Variants in CELF2 observed in about 807,000 individuals in gnomAD.
CELF2 encodes the protein CUGBP Elav-like family member 2, also known as CUG triplet repeat RNA-binding protein 2.
CELF2 carries 8 observed loss-of-function variants against 62.6 expected under a neutral mutation model. The ratio of observed to expected loss-of-function variants is 0.13; its 90% CI spans 0.07 to 0.23. The LOEUF is 0.23. CELF2 is among the 10% of genes least tolerant of loss of function. The pLI is 1.00. For missense variants in CELF2, 333 were observed against 671.0 expected (o/e 0.50, Z 5.56); for synonymous variants, 258 against 250.0 (o/e 1.03, Z -0.30).
the CELF2 span, among the ~76,000 whole-genome samples, chr10:10,529,367 G>C: frequency 6.6e-6 from 1 of 152,148 alleles, no homozygotes; most frequent in African/African-American, 2.4e-5. Flanking sequence ...AAGAACAAAA[G>C]ACACAGATTG....
chr10:10,571,568 A>AG, the CELF2 span, among the ~76,000 whole-genome samples: 1 of 152,142 alleles, frequency 6.6e-6, no homozygotes, highest in Non-Finnish European at 1.5e-5. Flanking sequence ...AATAAAAGCG[A>AG]CCATGGGTTG....
rs1360523766 is a variant in CELF2 at position 10,932,567 on chromosome 10, T to C, written c.89+12568T>C. Reference sequence around the variant, plus strand: ...AAAATTAAACTAATAAATTAGTTAATTAAATAAAAGAACCAAATGGTTCAA... The same window carrying C: ...AAAATTAAACTAATAAATTAGTTAACTAAATAAAAGAACCAAATGGTTCAA... On this transcript the variant is annotated intron_variant, in intron 2 of 13. Coordinates refer to the CELF2 transcript ENST00000636488. Among the ~76,000 whole-genome samples the C allele has an allele frequency of 3.9e-4, 59 of 152,288 alleles. 1 individual carries two copies. Among genetic ancestry groups the C allele is most frequent in the Non-Finnish European group, 1.5e-5 (1 of 68,022 alleles).
rs1418923349 is a variant in CELF2, at chr10:11,159,162, C to A, written c.75-6324C>A. Among the ~76,000 whole-genome samples, 1 of 152,202 alleles carries A rather than the reference C, an allele frequency of 6.6e-6. No homozygotes were observed. The highest frequency in any genetic ancestry group is 6.5e-5 in the Admixed American group (1 of 15,280). Reference sequence around the variant, plus strand: ...TTCCATAATTTATGTGGCAGTGACTCAAAAGGTTTAGTACACATGATAAAT... The same window carrying A: ...TTCCATAATTTATGTGGCAGTGACTAAAAAGGTTTAGTACACATGATAAAT... On this transcript the variant is annotated intron_variant, in intron 1 of 12. Transcript: ENST00000633077. This position sits in a 1 kb window ranked among gnomAD's most constrained non-coding sequence, Gnocchi z 5.0.
the CELF2 span, among the ~76,000 whole-genome samples, chr10:10,722,835 C>A: frequency 3.9e-5 from 6 of 152,258 alleles, no homozygotes; most frequent in South Asian, 2.1e-4. Flanking sequence ...TTTAAAATAA[C>A]CACCTGGATT....
chr10:10,666,988 A>G, the CELF2 span, among the ~76,000 whole-genome samples: 1 of 152,128 alleles, frequency 6.6e-6, no homozygotes, highest in East Asian at 1.9e-4. Context: ...TGCACACACC[A>G]CAGCATACAT....
At chr10:10,801,843 G>C (rs2054695770) in intron 1 of CELF2, among the ~76,000 whole-genome samples, 1 of 152,158 alleles carries the variant, frequency 6.6e-6, no homozygotes, top group African/African-American at 2.4e-5. Flanking sequence ...TGTTTTAGGA[G>C]ATGATCTGTT....
At chr10:10,656,397 T>C in the CELF2 span, among the ~76,000 whole-genome samples, 11 of 134,488 alleles carry the variant, frequency 8.2e-5, no homozygotes, top group Non-Finnish European at 1.8e-4. Context: ...CTATAAATCA[T>C]GCTGCTATAA....
the CELF2 span, among the ~76,000 whole-genome samples, chr10:10,588,118 G>T: frequency 2.0e-5 from 3 of 151,938 alleles, no homozygotes; most frequent in Non-Finnish European, 2.9e-5. Flanking sequence ...CACCAACTGA[G>T]CCAGCAGGCC....
chr10:10,851,354 T>C (rs12221057), intron 1 of CELF2, among the ~76,000 whole-genome samples: 38,282 of 152,094 alleles, frequency 0.25, 4,878 homozygotes, highest in South Asian at 0.31. Context: ...GCCCTCCCAC[T>C]ATAAACAACA....
Position 11,241,942 on chromosome 10 carries a change from A to G in CELF2, c.355-7211A>G, listed in dbSNP as rs528399059. Among the ~76,000 whole-genome samples, 10 of 152,318 alleles carry G rather than the reference A, an allele frequency of 6.6e-5. No individual in the cohort carries two copies. The South Asian group carries it at 1.0e-3, about 16-fold the overall frequency. On this transcript the variant is annotated intron_variant, in intron 3 of 12. Coordinates refer to ENST00000633077, the MANE Select transcript of CELF2 (RefSeq NM_001326342.2). ...AAAGTACAGGTGCCTTTGGCGTTTC[A>G]TAGTCAATATACAAGCGAGACACAA...
the CELF2 span, among the ~76,000 whole-genome samples, chr10:10,584,332 T>C: frequency 2.0e-5 from 3 of 152,078 alleles, no homozygotes; most frequent in African/African-American, 7.2e-5. Flanking sequence ...AAAGGGGAAA[T>C]GACATACGGA....
intron 1 of CELF2, among the ~76,000 whole-genome samples, chr10:11,074,507 A>G (rs1437718862): frequency 1.3e-5 from 2 of 152,238 alleles, no homozygotes; most frequent in Non-Finnish European, 2.9e-5. Context: ...GTTAAAGGGA[A>G]AGATTTCTAG....
the CELF2 span, among the ~76,000 whole-genome samples, chr10:10,664,290 G>T: frequency 6.6e-6 from 1 of 152,282 alleles, no homozygotes; most frequent in African/African-American, 2.4e-5. Flanking sequence ...AATATTCATT[G>T]TATCGTTCCT....
the CELF2 span, among the ~76,000 whole-genome samples, chr10:10,546,191 A>G: frequency 1.3e-5 from 2 of 152,192 alleles, no homozygotes; most frequent in Non-Finnish European, 2.9e-5. Flanking sequence ...TGCAATCAAC[A>G]CTGAAACCCT....
chr10:10,643,094 C>G, the CELF2 span, among the ~76,000 whole-genome samples: 2 of 152,220 alleles, frequency 1.3e-5, no homozygotes, highest in Admixed American at 1.3e-4. Context: ...TGGCTACACT[C>G]CCCATCATGC....
At chr10:11,206,363 A>G (rs117803899) in intron 2 of CELF2, among the ~76,000 whole-genome samples, 4 of 152,374 alleles carry the variant, frequency 2.6e-5, no homozygotes, top group Non-Finnish European at 5.9e-5. Context: ...TTATAATGCT[A>G]TCCTATCCTC....
intron 3 of CELF2, among the ~76,000 whole-genome samples, chr10:11,221,681 A>G (rs2064926467): frequency 6.6e-6 from 1 of 152,238 alleles, no homozygotes. Flanking sequence ...TTAAATTTTA[A>G]CAGCAAGGAG....
rs557765834 is a variant in CELF2, at chr10:11,314,529, T to C, written c.1096+271T>C. 1.2e-5 allele frequency: 6 copies of C among 491,904 alleles called. No homozygotes were observed. The East Asian group carries it at 2.1e-4, about 17-fold the overall frequency. The allele number at this position is 491,904 out of a possible 1,614,324, so 30.5% of individuals were successfully genotyped here. On this transcript the variant is annotated intron_variant, in intron 10 of 12. Coordinates refer to ENST00000633077, the MANE Select transcript of CELF2 (RefSeq NM_001326342.2). The surrounding 1 kb of genome is among the most constrained non-coding windows in gnomAD (Gnocchi z 5.3). Reference sequence around the variant, plus strand: ...GGGGTTCTGTGGCTGGCAGCTCTTTTCAGGTTTCCAGGAGTTTGGTTTGGT... The same window carrying C: ...GGGGTTCTGTGGCTGGCAGCTCTTTCCAGGTTTCCAGGAGTTTGGTTTGGT...
the CELF2 span, among the ~76,000 whole-genome samples, chr10:10,643,729 T>A: frequency 6.6e-5 from 10 of 151,868 alleles, no homozygotes; most frequent in Non-Finnish European, 1.5e-4. Context: ...ACAACAGGAG[T>A]TTCCTATAAA....
Sources: gnomAD v4.1 joint callset for allele counts (sites outside exome capture counted in the v4.1 genomes callset) on GRCh38, gnomAD v4.1.1 for gene constraint, Gnocchi (gnomAD v3.1) non-coding constraint, MANE v1.5 for transcripts, NCBI Gene and HGNC (gene_info 2026-07-23, HGNC 2026-07-21) for gene names.